Variants in CIROZ observed in about 807,000 individuals in gnomAD.
CIROZ encodes ciliated left-right organizer protein containing ZP-N domains, also known as ciliated left-right organizer ZP-N domains-containing protein.
the CIROZ span, among the ~76,000 whole-genome samples, chr1:10,965,820 CAAAAA>C: frequency 8.4e-5 from 9 of 107,216 alleles, no homozygotes; most frequent in Admixed American, 6.9e-4. Flanking sequence ...GAGCCTCCGT[CAAAAA>C]AAAAAAAAAA....
chr1:10,967,529 T>C, the CIROZ span, among the ~76,000 whole-genome samples: 1 of 152,206 alleles, frequency 6.6e-6, no homozygotes, highest in Non-Finnish European at 1.5e-5. Context: ...TAACCAACTA[T>C]CTTACTGGCT....
At chr1:10,958,049 C>T in the CIROZ span, among the ~76,000 whole-genome samples, 5 of 152,232 alleles carry the variant, frequency 3.3e-5, no homozygotes, top group African/African-American at 1.2e-4. Context: ...AACCAGTCGG[C>T]CCCTATGCCG....
the CIROZ span, chr1:10,957,200 A>G: frequency 1.0e-6 from 1 of 982,324 alleles, no homozygotes; most frequent in Non-Finnish European, 1.5e-6. Context: ...CTACCTTCGA[A>G]TTAGTCTCTG....
At chr1:10,979,973 G>A in the CIROZ span, among the ~76,000 whole-genome samples, 1 of 150,900 alleles carries the variant, frequency 6.6e-6, no homozygotes. Context: ...CTTGAACCTG[G>A]GAGGTGGAGG....
chr1:10,978,842 G>A, the CIROZ span, among the ~76,000 whole-genome samples: 1 of 152,176 alleles, frequency 6.6e-6, no homozygotes, highest in East Asian at 1.9e-4. Flanking sequence ...GAAGGTCAGT[G>A]GAACTAGAGC....
chr1:10,972,260 C>G, the CIROZ span, among the ~76,000 whole-genome samples: 6 of 152,304 alleles, frequency 3.9e-5, no homozygotes, highest in African/African-American at 1.4e-4. Context: ...ATACTCCAAG[C>G]TGGGCACAGT....
the CIROZ span, among the ~76,000 whole-genome samples, chr1:10,960,639 C>T: frequency 6.6e-6 from 1 of 152,234 alleles, no homozygotes; most frequent in Non-Finnish European, 1.5e-5. The surrounding 1 kb of genome is among the most constrained non-coding windows in gnomAD (Gnocchi z 4.6). Context: ...CCGCTCGGGG[C>T]CTGTGGGCAC....
At chr1:10,957,240 GGT>G in the CIROZ span, 1 of 700,434 alleles carries the variant, frequency 1.4e-6, no homozygotes, top group South Asian at 2.0e-5. Flanking sequence ...ACAAAGCCCA[GGT>G]CAGGGATTAT....
At chr1:10,981,168 G>A in the CIROZ span, among the ~76,000 whole-genome samples, 1 of 152,176 alleles carries the variant, frequency 6.6e-6, no homozygotes, top group Non-Finnish European at 1.5e-5. Flanking sequence ...TGAGATTTTG[G>A]CCAAGTGCAG....
the CIROZ span, among the ~76,000 whole-genome samples, chr1:10,968,182 G>A: frequency 3.3e-5 from 5 of 152,252 alleles, no homozygotes; most frequent in Non-Finnish European, 1.5e-5. Context: ...ATAAGTAGTT[G>A]TTGAATGAGT....
At chr1:10,963,030 G>A in the CIROZ span, among the ~76,000 whole-genome samples, 1 of 152,122 alleles carries the variant, frequency 6.6e-6, no homozygotes, top group African/African-American at 2.4e-5. Context: ...TGAAGTGGGA[G>A]GATCCCTTAA....
chr1:10,963,832 C>T, the CIROZ span, among the ~76,000 whole-genome samples: 2 of 152,044 alleles, frequency 1.3e-5, no homozygotes, highest in African/African-American at 4.8e-5. Context: ...TTGGTGATAA[C>T]CCGACTGGCC....
chr1:10,961,217 T>G, the CIROZ span, among the ~76,000 whole-genome samples: 1 of 151,950 alleles, frequency 6.6e-6, no homozygotes, highest in African/African-American at 2.4e-5. Flanking sequence ...ACAGGCTCAG[T>G]GCAAAGGGAG....
the CIROZ span, among the ~76,000 whole-genome samples, chr1:10,975,734 G>A: frequency 6.6e-6 from 1 of 152,096 alleles, no homozygotes; most frequent in Non-Finnish European, 1.5e-5. Context: ...GGGCTCTGGA[G>A]GGTGAAATCC....
the CIROZ span, among the ~76,000 whole-genome samples, chr1:10,967,438 C>G: frequency 6.6e-6 from 1 of 152,194 alleles, no homozygotes; most frequent in African/African-American, 2.4e-5. Flanking sequence ...GTTGCCTTCT[C>G]CATGAAGCCC....
the CIROZ span, chr1:10,948,668 A>G: frequency 6.2e-7 from 1 of 1,611,856 alleles, no homozygotes; most frequent in Non-Finnish European, 8.5e-7. Context: ...TAGCCTGGAC[A>G]CCCTCTACAG....
the CIROZ span, among the ~76,000 whole-genome samples, chr1:10,963,481 G>A: frequency 2.0e-5 from 3 of 152,128 alleles, no homozygotes; most frequent in Non-Finnish European, 4.4e-5. Flanking sequence ...AGTCCAGCAC[G>A]CTCATTTCTG....
the CIROZ span, among the ~76,000 whole-genome samples, chr1:10,952,612 C>A: frequency 6.6e-6 from 1 of 152,182 alleles, no homozygotes; most frequent in Non-Finnish European, 1.5e-5. Context: ...TCACTGCAAC[C>A]TCCACCTCCC....
At chr1:10,975,933 G>A in the CIROZ span, among the ~76,000 whole-genome samples, 1 of 152,118 alleles carries the variant, frequency 6.6e-6, no homozygotes, top group African/African-American at 2.4e-5. Context: ...TGAGTCAGAG[G>A]ATGCCAGGCC....
Sources: gnomAD v4.1 joint callset for allele counts (sites outside exome capture counted in the v4.1 genomes callset) on GRCh38, gnomAD v4.1.1 for gene constraint, Gnocchi (gnomAD v3.1) non-coding constraint, MANE v1.5 for transcripts, NCBI Gene and HGNC (gene_info 2026-07-23, HGNC 2026-07-21) for gene names.